The following EXOC1L variants were observed in gnomAD, a reference collection of about 807,000 sequenced individuals.
EXOC1L encodes exocyst complex component 1-like.
In EXOC1L, 10 loss-of-function variants were observed where a neutral mutation model predicts 4.9. That is an observed-to-expected ratio of 2.02 (90% CI 1.25 to 3.43). The LOEUF is 3.43. Ranked by LOEUF, EXOC1L falls within the 30% of genes most tolerant of loss-of-function variation. The pLI, the probability that EXOC1L is intolerant of heterozygous loss-of-function variation, is 0.00. For missense variants in EXOC1L, 114 were observed against 59.4 expected, an observed-to-expected ratio of 1.92 and a Z score of -3.02; for synonymous variants, 41 against 20.8, an observed-to-expected ratio of 1.97 and a Z score of -2.63.
In EXOC1L at chr4:55,831,197, C is replaced by T. The variant is rs528801048; in HGVS notation, c.122-137C>T. 5.7e-5 allele frequency: 27 copies of T among 471,912 alleles called. No individual in the cohort carries two copies. In the South Asian group the frequency reaches 1.0e-3, roughly 18 times the overall value. 29.2% of individuals were successfully genotyped at this position (471,912 alleles called of 1,614,324 possible). A position where few individuals can be genotyped will look rare whatever the true frequency, so the allele number is the denominator to read the frequency against. On this transcript the variant is annotated intron_variant, in intron 1 of 2. Coordinates refer to ENST00000636125, the MANE Select transcript of EXOC1L (RefSeq NM_001351574.3). ...GTGAAGATTCAGATACATCAGGACT[C>T]ACAATTGAGGCGCAGCTATAATGTG...
At chr4:55,821,325 A>T (rs963684652) in intron 1 of EXOC1L, among the ~76,000 whole-genome samples, 9 of 152,162 alleles carry the variant, frequency 5.9e-5, no homozygotes, top group African/African-American at 2.2e-4. Flanking sequence ...AGGAAAAAGA[A>T]ATTAAGTATT....
intron 2 of EXOC1L, among the ~76,000 whole-genome samples, chr4:55,834,368 T>C (rs1720109676): frequency 6.6e-6 from 1 of 151,886 alleles, no homozygotes; most frequent in Non-Finnish European, 1.5e-5. Flanking sequence ...TGACCTGGAC[T>C]TCATATCTCT....
intron 2 of EXOC1L, among the ~76,000 whole-genome samples, chr4:55,834,476 A>G (rs1720111990): frequency 6.6e-6 from 1 of 151,978 alleles, no homozygotes; most frequent in South Asian, 2.1e-4. Context: ...AGAGAAAGAG[A>G]CAGGCAGATT....
chr4:55,822,122 A>G (rs1719760013), intron 1 of EXOC1L, among the ~76,000 whole-genome samples: 1 of 152,184 alleles, frequency 6.6e-6, no homozygotes, highest in South Asian at 2.1e-4. Flanking sequence ...TAAATTTGTG[A>G]GACTTGCGAG....
intron 1 of EXOC1L, among the ~76,000 whole-genome samples, chr4:55,825,296 C>A (rs536313785): frequency 1.3e-5 from 2 of 152,116 alleles, no homozygotes; most frequent in Non-Finnish European, 2.9e-5. Flanking sequence ...AGGTTTTTTT[C>A]GACTTTACCA....
At chr4:55,820,317 TAG>T (rs979191343) in intron 1 of EXOC1L, among the ~76,000 whole-genome samples, 170 bp downstream of exon 1, 3 of 152,186 alleles carry the variant, frequency 2.0e-5, no homozygotes, top group African/African-American at 7.2e-5. Flanking sequence ...CAGAATTTTT[TAG>T]AGTGTTAAAA....
At chr4:55,824,730 T>C (rs1719838626) in intron 1 of EXOC1L, among the ~76,000 whole-genome samples, 1 of 152,210 alleles carries the variant, frequency 6.6e-6, no homozygotes, top group South Asian at 2.1e-4. Context: ...GGTTACAATA[T>C]GGAAATGATG....
chr4:55,832,423 T>C (rs1720060388), intron 2 of EXOC1L, among the ~76,000 whole-genome samples: 2 of 151,992 alleles, frequency 1.3e-5, no homozygotes, highest in South Asian at 2.1e-4. Flanking sequence ...AATATCACTA[T>C]AGTATGATTC....
chr4:55,835,434 T>A (rs1720135344), intron 2 of EXOC1L, among the ~76,000 whole-genome samples: 1 of 151,964 alleles, frequency 6.6e-6, no homozygotes, highest in Non-Finnish European at 1.5e-5. Context: ...ATCTCCCCCT[T>A]CTTTTCCATA....
At chr4:55,832,287 CT>C (rs1720056938) in intron 2 of EXOC1L, among the ~76,000 whole-genome samples, 1 of 152,018 alleles carries the variant, frequency 6.6e-6, no homozygotes, top group Admixed American at 6.6e-5. Flanking sequence ...CTCAATAAGT[CT>C]TTGTAGTGTT....
At chr4:55,820,465 T>C (rs796683510) in intron 1 of EXOC1L, among the ~76,000 whole-genome samples, 3 of 152,210 alleles carry the variant, frequency 2.0e-5, no homozygotes, top group South Asian at 4.1e-4. Context: ...AATTTTATTG[T>C]GCAAGAGCTC....
chr4:55,832,403 G>A (rs192376178), intron 2 of EXOC1L, among the ~76,000 whole-genome samples: 45 of 151,764 alleles, frequency 3.0e-4, no homozygotes, highest in Admixed American at 1.2e-3. Flanking sequence ...TTCTAATATC[G>A]TTATTTTTTA....
intron 1 of EXOC1L, among the ~76,000 whole-genome samples, chr4:55,820,624 G>A (rs987801868): frequency 7.9e-5 from 12 of 152,128 alleles, no homozygotes; most frequent in African/African-American, 1.4e-4. Flanking sequence ...TTTCTTCTGA[G>A]GGCTTTAGAC....
chr4:55,835,448 G>A (rs1245720725), intron 2 of EXOC1L, among the ~76,000 whole-genome samples: 1 of 151,854 alleles, frequency 6.6e-6, no homozygotes, highest in Non-Finnish European at 1.5e-5. Context: ...TTCCATAGTG[G>A]TTGTGCTAGT....
intron 2 of EXOC1L, among the ~76,000 whole-genome samples, chr4:55,832,750 G>A (rs1234198653): frequency 1.3e-5 from 2 of 152,010 alleles, no homozygotes. Context: ...AAGTGGTAGA[G>A]CTAGACTTTA....
At chr4:55,830,556 A>G in intron 1 of EXOC1L, among the ~76,000 whole-genome samples, 1 of 152,184 alleles carries the variant, frequency 6.6e-6, no homozygotes, top group East Asian at 1.9e-4. Context: ...TCAACTTAAG[A>G]GCTCTATGCT....
chr4:55,821,591 C>T (rs1026962200), intron 1 of EXOC1L, among the ~76,000 whole-genome samples: 4 of 151,532 alleles, frequency 2.6e-5, no homozygotes, highest in Non-Finnish European at 4.4e-5. Context: ...TCTAACTTAC[C>T]AAATATATCT....
In EXOC1L at chr4:55,833,634, C is replaced by T. The variant is rs115491122; in HGVS notation, c.252+2170C>T. ...ACCCATTTTTCTTGTCTTTTTTCTCCAGCTCTCAAATATTACCGATGTTAT... is the reference window on the plus strand; with the variant it reads ...ACCCATTTTTCTTGTCTTTTTTCTCTAGCTCTCAAATATTACCGATGTTAT... On this transcript the variant is annotated intron_variant, in intron 2 of 2. Coordinates refer to ENST00000636125, the MANE Select transcript of EXOC1L (RefSeq NM_001351574.3). Among the ~76,000 whole-genome samples, 627 of 151,834 alleles carry T rather than the reference C, an allele frequency of 4.1e-3. 3 individuals carry two copies. The highest frequency in any genetic ancestry group is 0.014 in the African/African-American group (578 of 41,446).
At chr4:55,831,195 C>A in intron 1 of EXOC1L, 139 bp from the exon 2 acceptor site, 1 of 471,080 alleles carries the variant, frequency 2.1e-6, no homozygotes, top group Non-Finnish European at 3.7e-6. Flanking sequence ...TACATCAGGA[C>A]TCACAATTGA....
Sources: allele counts gnomAD v4.1 joint callset (sites outside exome capture counted in the v4.1 genomes callset), GRCh38; gene constraint gnomAD v4.1.1; transcripts MANE v1.5; gene names NCBI Gene and HGNC (gene_info 2026-07-23, HGNC 2026-07-21).